Variants in ZFHX3 observed in about 807,000 individuals in gnomAD.
The protein encoded by ZFHX3 is zinc finger homeobox 3.
In ZFHX3, 42 loss-of-function variants were observed where a neutral mutation model predicts 279.1. The ratio of observed to expected loss-of-function variants is 0.15; its 90% confidence interval spans 0.12 to 0.19. ZFHX3 has a LOEUF of 0.19. Ranked by LOEUF, ZFHX3 falls within the 10% of genes least tolerant of loss-of-function variation. The probability of loss-of-function intolerance (pLI) is 1.00; values close to 1 mark genes in which losing one functional copy is unlikely to be tolerated. For missense variants in ZFHX3, 4,981 were observed against 4,754.0 expected (o/e 1.05, Z -1.40); for synonymous variants, 2,293 against 1,957.8 (o/e 1.17, Z -4.52).
At chr16:72,916,252 G>C (rs377681947) in intron 3 of ZFHX3, among the ~76,000 whole-genome samples, 1 of 152,050 alleles carries the variant, frequency 6.6e-6, no homozygotes, top group Non-Finnish European at 1.5e-5. Context: ...GGGAGATCAG[G>C]GACTATTAAA....
Position 73,070,421 on chromosome 16 carries a change from AT to A in ZFHX3, c.-532-11410del, listed in dbSNP as rs567579140. On this transcript the variant is annotated intron_variant, in intron 8 of 17. Coordinates refer to the ZFHX3 transcript ENST00000641206. Reference sequence around the variant, plus strand: ...ATTCACATTTGTCCCCACCTCTATTATTTTTTTTTAATCAAAATGTTTCCAA... The same window carrying A: ...ATTCACATTTGTCCCCACCTCTATTATTTTTTTTAATCAAAATGTTTCCAA... Among the ~76,000 whole-genome samples, 559 of 151,572 alleles carry A rather than the reference AT, an allele frequency of 3.7e-3. 4 individuals carry two copies. Among genetic ancestry groups the A allele is most frequent in the African/African-American group, 0.012 (505 of 41,348 alleles).
rs141951073 is a variant in ZFHX3 at position 73,633,195 on chromosome 16, A to G, written c.-1547+46985T>C. On this transcript the variant is annotated intron_variant, in intron 2 of 17. Transcript: ENST00000641206. Reference sequence around the variant, plus strand: ...AAAGTGTTTTCCACCTAAATGGCTAAAGGTTGATCTACTTAATATATGAAG... The same window carrying G: ...AAAGTGTTTTCCACCTAAATGGCTAGAGGTTGATCTACTTAATATATGAAG... 2.7e-3 allele frequency among the ~76,000 whole-genome samples: 407 copies of G among 152,370 alleles called. 1 individual carries two copies. The highest frequency in any genetic ancestry group is 9.1e-3 in the African/African-American group (379 of 41,588).
intron 2 of ZFHX3, among the ~76,000 whole-genome samples, chr16:73,566,179 A>C (rs2020448180): frequency 6.6e-6 from 1 of 152,202 alleles, no homozygotes; most frequent in Admixed American, 6.5e-5. Flanking sequence ...CCCTGGTCCC[A>C]CCAGTGCCTT....
chr16:73,155,168 G>A (rs1408069849), intron 5 of ZFHX3, among the ~76,000 whole-genome samples: 1 of 124,430 alleles, frequency 8.0e-6, no homozygotes, highest in Admixed American at 9.8e-5. Context: ...GTGAGACTCT[G>A]TCTCAAAAAA....
chr16:72,988,433 G>A (rs1597059271), intron 1 of ZFHX3, among the ~76,000 whole-genome samples: 2 of 152,166 alleles, frequency 1.3e-5, no homozygotes, highest in Non-Finnish European at 2.9e-5. Context: ...GCCATCGAGG[G>A]GTCGATATGC....
chr16:73,726,841 C>T (rs375671067), intron 1 of ZFHX3, among the ~76,000 whole-genome samples: 1 of 152,348 alleles, frequency 6.6e-6, no homozygotes, highest in South Asian at 2.1e-4. Flanking sequence ...TACATGTCAA[C>T]ATGAGATTTA....
intron 1 of ZFHX3, among the ~76,000 whole-genome samples, chr16:73,711,155 T>C (rs1194449453): frequency 6.6e-6 from 1 of 152,178 alleles, no homozygotes; most frequent in Non-Finnish European, 1.5e-5. Flanking sequence ...ACTGTATCCA[T>C]TCCCTCTCCC....
chr16:72,923,450 G>GAAAAAAAAAAAA (rs34096322), intron 3 of ZFHX3, among the ~76,000 whole-genome samples: 1 of 86,096 alleles, frequency 1.2e-5, no homozygotes, highest in Non-Finnish European at 2.3e-5. Flanking sequence ...TCTCAGACCA[G>GAAAAAAAAAAAA]AAAAAAAAAA....
At chr16:73,020,067 C>G (rs937042496) in intron 1 of ZFHX3, among the ~76,000 whole-genome samples, 1 of 152,222 alleles carries the variant, frequency 6.6e-6, no homozygotes, top group East Asian at 1.9e-4. Flanking sequence ...TCACACAGAT[C>G]CTTCACATTC....
chr16:73,871,199 C>G (rs527261983), intron 1 of ZFHX3, among the ~76,000 whole-genome samples: 44 of 152,144 alleles, frequency 2.9e-4, no homozygotes, highest in Non-Finnish European at 5.6e-4. Flanking sequence ...GATTTTAGCC[C>G]TCATGTCACA....
intron 4 of ZFHX3, among the ~76,000 whole-genome samples, chr16:72,866,199 G>A (rs2038018460): frequency 6.6e-6 from 1 of 152,214 alleles, no homozygotes; most frequent in African/African-American, 2.4e-5. Context: ...TACACAGAGA[G>A]GGAGAGTGAG....
intron 8 of ZFHX3, among the ~76,000 whole-genome samples, chr16:73,086,613 G>A (rs904290325): frequency 6.6e-6 from 1 of 152,132 alleles, no homozygotes; most frequent in African/African-American, 2.4e-5. Flanking sequence ...ATAGTTCACA[G>A]TATCTAGGGC....
At chr16:73,459,081 G>C (rs2018426442) in intron 2 of ZFHX3, among the ~76,000 whole-genome samples, 2 of 152,182 alleles carry the variant, frequency 1.3e-5, no homozygotes, top group African/African-American at 4.8e-5. Context: ...ACGTATGTGA[G>C]ACATACTGAA....
chr16:73,520,222 T>C (rs1020432026), intron 2 of ZFHX3, among the ~76,000 whole-genome samples: 8 of 152,206 alleles, frequency 5.3e-5, no homozygotes, highest in African/African-American at 1.9e-4. Flanking sequence ...CTTGGGTGTT[T>C]CTACAATTGT....
intron 3 of ZFHX3, among the ~76,000 whole-genome samples, chr16:72,948,427 A>C (rs942105565): frequency 6.6e-6 from 1 of 152,198 alleles, no homozygotes; most frequent in African/African-American, 2.4e-5. Flanking sequence ...ATGACAGGCC[A>C]GCAGTGCAGA....
intron 1 of ZFHX3, among the ~76,000 whole-genome samples, chr16:73,888,271 T>G (rs1294553296): frequency 6.6e-6 from 1 of 152,222 alleles, no homozygotes; most frequent in East Asian, 1.9e-4. Context: ...GCATAAATTG[T>G]GCTCATTCAT....
At chr16:73,836,798 A>C (rs1258853363) in intron 1 of ZFHX3, among the ~76,000 whole-genome samples, 1 of 152,186 alleles carries the variant, frequency 6.6e-6, no homozygotes, top group African/African-American at 2.4e-5. Context: ...TTAGATGATT[A>C]GTTCGTTAAG....
intron 2 of ZFHX3, among the ~76,000 whole-genome samples, chr16:73,502,394 T>C (rs1053565947): frequency 4.6e-5 from 7 of 152,222 alleles, no homozygotes; most frequent in Non-Finnish European, 1.0e-4. Context: ...TCCTTGTAAC[T>C]CCTTGCCCCA....
intron 5 of ZFHX3, among the ~76,000 whole-genome samples, chr16:73,237,528 C>CTTTTTTTT (rs886922274): frequency 3.2e-4 from 27 of 84,176 alleles, no homozygotes; most frequent in Non-Finnish European, 4.1e-4. Context: ...CAAATGCAGC[C>CTTTTTTTT]TTTTTTTTTT....
Sources: allele counts gnomAD v4.1 joint callset (sites outside exome capture counted in the v4.1 genomes callset), GRCh38; gene constraint gnomAD v4.1.1; transcripts MANE v1.5; gene names NCBI Gene and HGNC (gene_info 2026-07-23, HGNC 2026-07-21).